Variants in USH2A observed in about 807,000 individuals in gnomAD.
The protein encoded by USH2A is usherin, also known as Usher syndrome 2A (autosomal recessive, mild).
USH2A carries 443 observed loss-of-function variants against 538.9 expected under a neutral mutation model. The observed-to-expected ratio is 0.82, with a 90% CI of 0.76 to 0.89. USH2A has a LOEUF of 0.89. Ranked by LOEUF, USH2A falls within the 40% of genes least tolerant of loss-of-function variation. The pLI is 0.00. For missense variants in USH2A, 6,633 were observed against 6,324.8 expected (o/e 1.05, Z -1.65); for synonymous variants, 2,413 against 2,273.5 (o/e 1.06, Z -1.75).
At chr1:215,748,330 T>C (rs1376129122) in intron 58 of USH2A, among the ~76,000 whole-genome samples, 9 of 152,210 alleles carry the variant, frequency 5.9e-5, no homozygotes, top group Non-Finnish European at 8.8e-5. Context: ...TCTTTAGATC[T>C]TCCTAATATC....
At chr1:215,652,732 G>A (rs377084817) in intron 64 of USH2A, among the ~76,000 whole-genome samples, 1 of 152,144 alleles carries the variant, frequency 6.6e-6, no homozygotes, top group East Asian at 1.9e-4. Context: ...TGGTGGGGGG[G>A]ACACCTATTA....
At chr1:216,197,715 A>G (rs2034882816) in intron 18 of USH2A, among the ~76,000 whole-genome samples, 1 of 152,158 alleles carries the variant, frequency 6.6e-6, no homozygotes, top group Admixed American at 6.6e-5. Flanking sequence ...GTTTTAATAT[A>G]AAAAATAAAG....
rs918464664 is a variant in USH2A at position 215,786,702 on chromosome 1, T to C, written c.10355A>G (p.His3452Arg). Residue 3452 changes from histidine to arginine, a missense_variant, in exon 52 of 72, where the codon CAT becomes CGT. Transcript: ENST00000307340. ...AGAGTACGTGTTTACACTCCCTGTA[T>C]GAATGGTTTCTTCGGCAGATGAACA... is the stretch of plus-strand genomic sequence containing the variant. ...EMCSSAEETI[H>R]TGSVNTYSYT... is the part of the protein sequence containing the mutation. 2.4e-5 allele frequency: 39 copies of C among 1,614,070 alleles called. No individual in the cohort carries two copies. Among genetic ancestry groups the C allele is most frequent in the Non-Finnish European group, 3.1e-5 (37 of 1,179,942 alleles).
At chr1:216,235,430 C>G (rs2035789156) in intron 13 of USH2A, among the ~76,000 whole-genome samples, 2 of 152,156 alleles carry the variant, frequency 1.3e-5, no homozygotes, top group South Asian at 4.1e-4. Flanking sequence ...TGGTCCAAAT[C>G]AGCTCGCTAG....
chr1:215,925,626 C>A (rs10495012), intron 38 of USH2A, among the ~76,000 whole-genome samples: 1 of 151,852 alleles, frequency 6.6e-6, no homozygotes, highest in Non-Finnish European at 1.5e-5. Flanking sequence ...AGCAGTTAAT[C>A]TCATCTTTCC....
intron 9 of USH2A, among the ~76,000 whole-genome samples, chr1:216,320,671 A>G (rs1047804386): frequency 2.0e-5 from 3 of 152,166 alleles, no homozygotes; most frequent in Non-Finnish European, 4.4e-5. Flanking sequence ...GTTGAATATG[A>G]TTAAAACTGA....
At chr1:216,021,889 G>A (rs1324006799) in intron 32 of USH2A, among the ~76,000 whole-genome samples, 1 of 152,156 alleles carries the variant, frequency 6.6e-6, no homozygotes, top group East Asian at 1.9e-4. Context: ...CCAACATTGA[G>A]GCTGAGCCTT....
intron 3 of USH2A, among the ~76,000 whole-genome samples, chr1:216,391,238 C>A (rs886095774): frequency 2.0e-5 from 3 of 152,134 alleles, no homozygotes; most frequent in Non-Finnish European, 2.9e-5. Context: ...TCATCCAGTC[C>A]AATAGACAGT....
intron 20 of USH2A, among the ~76,000 whole-genome samples, chr1:216,185,727 G>A (rs961907864): frequency 4.9e-4 from 74 of 151,832 alleles, no homozygotes; most frequent in African/African-American, 1.7e-3. Context: ...CAAAATTGTT[G>A]ACCATTCTAA....
At chr1:216,366,241 T>C (rs1470912474) in intron 3 of USH2A, among the ~76,000 whole-genome samples, 1 of 151,814 alleles carries the variant, frequency 6.6e-6, no homozygotes, top group African/African-American at 2.4e-5. Flanking sequence ...AAAGGAAAGG[T>C]TGGATGTTAA....
rs369511538 is a variant in USH2A, at chr1:215,993,096, G to T, written c.6729C>A (p.Gly2243=). ...ATGAGTGGGCTTTGGGGGCTGGCAC[G>T]CCTTCGGGTATGTCCTCGTCAGTTA... The part of the protein sequence containing the change: ...EALTDEDIPE[G]VPAPKAHSYS... The change falls in exon 35 of 72, where the codon GGC becomes GGA. Residue 2243 remains glycine (G), a synonymous_variant. Coordinates refer to ENST00000307340, the MANE Select transcript of USH2A (RefSeq NM_206933.4). The T allele has an allele frequency of 5.6e-6, 9 of 1,614,046 alleles. No individual in the cohort carries two copies. Among genetic ancestry groups the T allele is most frequent in the Non-Finnish European group, 7.6e-6 (9 of 1,179,982 alleles).
chr1:216,242,430 G>A (rs1300437459), intron 13 of USH2A, among the ~76,000 whole-genome samples: 2 of 151,704 alleles, frequency 1.3e-5, no homozygotes, highest in Non-Finnish European at 2.9e-5. Context: ...CACACAATAA[G>A]GGGTTCATTT....
intron 67 of USH2A, 80 bp from the exon 68 acceptor site, chr1:215,640,814 ATG>A: frequency 1.5e-6 from 2 of 1,339,446 alleles, no homozygotes; most frequent in Non-Finnish European, 1.1e-6. Flanking sequence ...AAAAAAAAAT[ATG>A]AGCAAAATCA....
chr1:216,197,230 A>G (rs2034870011), intron 18 of USH2A, among the ~76,000 whole-genome samples: 1 of 152,022 alleles, frequency 6.6e-6, no homozygotes, highest in South Asian at 2.1e-4. Context: ...TTTTTGTTAA[A>G]TTTTTCTTGA....
At chr1:215,690,076 T>C (rs1362138434) in intron 61 of USH2A, among the ~76,000 whole-genome samples, 1 of 152,206 alleles carries the variant, frequency 6.6e-6, no homozygotes, top group Non-Finnish European at 1.5e-5. Flanking sequence ...TGGTTGAAGT[T>C]AGATGTGAAG....
rs1668242394 is a variant in USH2A, at chr1:216,000,461, G to C, written c.6427C>G (p.Pro2143Ala). The C allele has an allele frequency of 6.2e-7, 1 of 1,613,600 alleles. No homozygotes were observed. The change falls in exon 33 of 72, where the codon CCA (proline) becomes GCA (alanine). Residue 2143 changes from proline (P) to alanine (A), a missense_variant. By Grantham distance (27) the Pro-to-Ala change is conservative. Coordinates refer to ENST00000307340, the MANE Select transcript of USH2A (RefSeq NM_206933.4). ...AGAACTGGGGAATCCACGTGTTCTGGTGGCAGCTGTGCTGTGTACAGTAGG... is the reference window on the plus strand; with the variant it reads ...AGAACTGGGGAATCCACGTGTTCTGCTGGCAGCTGTGCTGTGTACAGTAGG... ...WVLLYTAQLP[P>A]EHVDSPVLTV...
intron 32 of USH2A, among the ~76,000 whole-genome samples, chr1:216,002,031 A>G (rs1193991276): frequency 6.6e-6 from 1 of 152,176 alleles, no homozygotes; most frequent in African/African-American, 2.4e-5. Context: ...GACACTTTGA[A>G]GCTGATGGTG....
At chr1:216,341,670 A>G (rs2038078648) in intron 4 of USH2A, among the ~76,000 whole-genome samples, 1 of 152,144 alleles carries the variant, frequency 6.6e-6, no homozygotes, top group Admixed American at 6.6e-5. Flanking sequence ...GGAACAGGTC[A>G]GAGACCTCAG....
At chr1:216,000,358 T>C (rs1208115855) in intron 33 of USH2A, 45 bp downstream of exon 33, 2 of 1,612,074 alleles carry the variant, frequency 1.2e-6, no homozygotes, top group East Asian at 2.2e-5. Context: ...CTCACTGAGA[T>C]TCTTGCATGA....
Sources: gnomAD v4.1 joint callset for allele counts (sites outside exome capture counted in the v4.1 genomes callset) on GRCh38, gnomAD v4.1.1 for gene constraint, MANE v1.5 for transcripts, NCBI Gene and HGNC (gene_info 2026-07-23, HGNC 2026-07-21) for gene names.